WDR37: variants seen among roughly 807,000 people sequenced by gnomAD.
The protein encoded by WDR37 is WD repeat-containing protein 37.
A neutral mutation model predicts 62.9 loss-of-function variants in WDR37; 19 were observed. The observed-to-expected ratio is 0.30, with a 90% CI of 0.21 to 0.44. WDR37 has a LOEUF of 0.44. WDR37 is among the 20% of genes least tolerant of loss of function. The pLI is 1.00. For missense variants in WDR37, 474 were observed against 657.6 expected (o/e 0.72, Z 3.05); for synonymous variants, 250 against 260.9 (o/e 0.96, Z 0.40).
In WDR37 at chr10:1,124,205, C is replaced by T; in HGVS notation, c.1104-13C>T. Reference sequence around the variant, plus strand: ...CCTGCTGTTGCATCTGACTCTGTGCCCTTTGTTCATAGCACTGTGACTTCT... The same window carrying T: ...CCTGCTGTTGCATCTGACTCTGTGCTCTTTGTTCATAGCACTGTGACTTCT... On this transcript the variant is annotated splice_polypyrimidine_tract_variant and intron_variant, in intron 11 of 13. Coordinates refer to ENST00000263150, the MANE Select transcript of WDR37 (RefSeq NM_014023.4). The T allele has an allele frequency of 6.2e-7, 1 of 1,614,084 alleles. No homozygotes were observed. The highest frequency in any genetic ancestry group is 8.5e-7 in the Non-Finnish European group (1 of 1,180,006).
intron 11 of WDR37, among the ~76,000 whole-genome samples, chr10:1,108,747 C>CA (rs1835108283): frequency 1.4e-5 from 2 of 140,246 alleles, no homozygotes; most frequent in Non-Finnish European, 3.1e-5. Context: ...ATGCCCCCCC[C>CA]CCCCGTGGAA....
intron 7 of WDR37, among the ~76,000 whole-genome samples, chr10:1,087,356 C>T (rs572939107): frequency 7.7e-4 from 118 of 152,312 alleles, no homozygotes; most frequent in African/African-American, 2.8e-3. Context: ...TAGAGCAAAA[C>T]GCTGTTACAG....
At chr10:1,068,466 A>AAAAC (rs935829729) in intron 1 of WDR37, among the ~76,000 whole-genome samples, 1 of 152,186 alleles carries the variant, frequency 6.6e-6, no homozygotes, top group African/African-American at 2.4e-5. Flanking sequence ...AAAAAACAAA[A>AAAAC]AAACAAACAG....
At chr10:1,116,737 G>A (rs1373998630) in intron 11 of WDR37, among the ~76,000 whole-genome samples, 4 of 152,182 alleles carry the variant, frequency 2.6e-5, no homozygotes, top group South Asian at 2.1e-4. Context: ...AGCAGTTGGC[G>A]GGAACAGAAC....
chr10:1,066,406 T>G (rs11250247), intron 1 of WDR37, among the ~76,000 whole-genome samples: 30,985 of 152,144 alleles, frequency 0.2, 3,601 homozygotes, highest in Non-Finnish European at 0.26. Flanking sequence ...GTGAGCCACC[T>G]CGCCCAGCCC....
chr10:1,114,627 C>T lies in WDR37; in HGVS notation c.1103+9360C>T, dbSNP rs543757644. Among the ~76,000 whole-genome samples, 9 of 152,336 alleles carry T rather than the reference C, an allele frequency of 5.9e-5. No homozygotes were observed. The East Asian group carries it at 1.4e-3, about 23-fold the overall frequency. On this transcript the variant is annotated intron_variant, in intron 11 of 13. Transcript: ENST00000263150. ...ACAGCTCTTGTGATCCGCCTTACTGCGATCTTCACCTCACAGCGTGTTCTG... is the reference window on the plus strand; with the variant it reads ...ACAGCTCTTGTGATCCGCCTTACTGTGATCTTCACCTCACAGCGTGTTCTG...
At chr10:1,110,208 T>C (rs942918052) in intron 11 of WDR37, among the ~76,000 whole-genome samples, 2 of 152,206 alleles carry the variant, frequency 1.3e-5, no homozygotes, top group Non-Finnish European at 2.9e-5. Context: ...GAGCTTCCCC[T>C]CACCGGCCTG....
intron 7 of WDR37, 71 bp downstream of exon 7, chr10:1,086,428 T>G (rs973334968): frequency 5.5e-6 from 7 of 1,264,712 alleles, no homozygotes; most frequent in Non-Finnish European, 6.9e-6. Context: ...AAATCGTGCA[T>G]GATAAAGCCA....
chr10:1,094,969 T>G (rs1385236658), intron 8 of WDR37, among the ~76,000 whole-genome samples: 1 of 147,006 alleles, frequency 6.8e-6, no homozygotes, highest in Non-Finnish European at 1.5e-5. Context: ...AAGGGAGAGT[T>G]AGACTGAGAA....
chr10:1,080,234 G>A, intron 4 of WDR37, 128 bp downstream of exon 4: 13 of 1,268,606 alleles, frequency 1.0e-5, no homozygotes, highest in Non-Finnish European at 1.5e-5. Context: ...TTCAGGTGTG[G>A]GTCTAGGAGA....
At chr10:1,065,714 T>C (rs553104351) in intron 1 of WDR37, among the ~76,000 whole-genome samples, 37 of 152,308 alleles carry the variant, frequency 2.4e-4, no homozygotes, top group African/African-American at 8.7e-4. Flanking sequence ...AAAAAATCTA[T>C]AGCTGGCATC....
At chr10:1,096,270 A>C in intron 9 of WDR37, 24 bp downstream of exon 9, 1 of 1,609,324 alleles carries the variant, frequency 6.2e-7, no homozygotes, top group South Asian at 1.1e-5. Context: ...CTTACCTGTG[A>C]ATGTGTAGGA....
chr10:1,076,907 G>A (rs1262315293), intron 2 of WDR37, among the ~76,000 whole-genome samples: 1 of 150,652 alleles, frequency 6.6e-6, no homozygotes, highest in Non-Finnish European at 1.5e-5. Context: ...GGCTGTGGCA[G>A]GAGAATTGCT....
chr10:1,096,695 C>T (rs1483320823), intron 9 of WDR37: 17 of 167,842 alleles, frequency 1.0e-4, no homozygotes, highest in Non-Finnish European at 1.7e-4. Context: ...CAGTACCGCG[C>T]GCAGAGCGGG....
intron 8 of WDR37, among the ~76,000 whole-genome samples, chr10:1,094,186 G>A (rs568906546): frequency 6.6e-6 from 1 of 152,294 alleles, no homozygotes; most frequent in East Asian, 1.9e-4. Flanking sequence ...ATCTTTGCGG[G>A]ACATTCAGGC....
intron 1 of WDR37, among the ~76,000 whole-genome samples, chr10:1,060,120 T>C (rs1833329779): frequency 6.6e-6 from 1 of 152,222 alleles, no homozygotes; most frequent in Non-Finnish European, 1.5e-5. Flanking sequence ...ATTACGGGCA[T>C]GAGCCATCAT....
intron 11 of WDR37, among the ~76,000 whole-genome samples, chr10:1,122,390 G>C (rs1019246873): frequency 6.6e-6 from 1 of 152,196 alleles, no homozygotes; most frequent in African/African-American, 2.4e-5. Flanking sequence ...TGCCCTGGGA[G>C]ACAGTGTAGG....
intron 7 of WDR37, among the ~76,000 whole-genome samples, chr10:1,089,286 G>A (rs554111407): frequency 8.3e-4 from 127 of 152,150 alleles, no homozygotes; most frequent in African/African-American, 3.0e-3. Flanking sequence ...TGTCACGGCC[G>A]CTCACGTCTG....
At chr10:1,111,727 G>T (rs201643866) in intron 11 of WDR37, among the ~76,000 whole-genome samples, 1 of 152,148 alleles carries the variant, frequency 6.6e-6, no homozygotes, top group African/African-American at 2.4e-5. Flanking sequence ...GTTTTTATTT[G>T]ACTGTTTGTT....
Sources: allele counts gnomAD v4.1 joint callset (sites outside exome capture counted in the v4.1 genomes callset), GRCh38; gene constraint gnomAD v4.1.1; transcripts MANE v1.5; gene names NCBI Gene and HGNC (gene_info 2026-07-23, HGNC 2026-07-21).